Variants in FGGY observed in about 807,000 individuals in gnomAD.
The protein encoded by FGGY is FGGY carbohydrate kinase domain-containing protein.
A neutral mutation model predicts 71.3 loss-of-function variants in FGGY; 72 were observed. The observed-to-expected ratio is 1.01, with a 90% confidence interval of 0.84 to 1.23. The LOEUF (loss-of-function observed/expected upper bound fraction) is 1.23, where lower values mean the gene tolerates loss of function less well. Ranked by LOEUF, FGGY falls within the 50% of genes most tolerant of loss-of-function variation. FGGY has a pLI of 0.00. For synonymous variants in FGGY, 251 were observed against 250.3 expected (o/e 1.00, Z -0.02); for missense variants, 668 against 682.3 (o/e 0.98, Z 0.23).
chr1:59,341,932 C>T (rs539278548), intron 3 of FGGY, among the ~76,000 whole-genome samples: 5 of 152,048 alleles, frequency 3.3e-5, no homozygotes, highest in Non-Finnish European at 7.4e-5. Context: ...ATCACCGTCC[C>T]AGAAGTTAAA....
At chr1:59,674,814 T>A (rs2097420577) in intron 14 of FGGY, among the ~76,000 whole-genome samples, 1 of 151,958 alleles carries the variant, frequency 6.6e-6, no homozygotes, top group South Asian at 2.1e-4. Context: ...TGTGGAGAGG[T>A]TTTGAGTGCT....
At chr1:59,443,973 G>A (rs1474449468) in intron 5 of FGGY, among the ~76,000 whole-genome samples, 1 of 152,168 alleles carries the variant, frequency 6.6e-6, no homozygotes, top group African/African-American at 2.4e-5. Context: ...CAGAGGCAAA[G>A]GCTGAGATCA....
At chr1:59,750,906 G>T (rs1574018797) in intron 14 of FGGY, among the ~76,000 whole-genome samples, 1 of 109,202 alleles carries the variant, frequency 9.2e-6, no homozygotes, top group South Asian at 3.5e-4. Context: ...GTCAGCATCT[G>T]TAAAAAAAAA....
intron 5 of FGGY, among the ~76,000 whole-genome samples, chr1:59,402,221 G>T (rs1237744269): frequency 1.3e-5 from 2 of 152,210 alleles, no homozygotes; most frequent in Non-Finnish European, 2.9e-5. Flanking sequence ...ATGGTCGACA[G>T]TGTGGAGTGG....
chr1:59,600,622 A>G (rs1239888524), intron 8 of FGGY, among the ~76,000 whole-genome samples: 1 of 152,246 alleles, frequency 6.6e-6, no homozygotes, highest in Non-Finnish European at 1.5e-5. Context: ...AGAAAGTTGC[A>G]GAATTAAGCC....
intron 8 of FGGY, among the ~76,000 whole-genome samples, chr1:59,565,528 C>G (rs772580412): frequency 2.0e-5 from 3 of 152,218 alleles, no homozygotes; most frequent in Non-Finnish European, 4.4e-5. Flanking sequence ...TTGTGATCCA[C>G]CCGCCTAAGC....
intron 8 of FGGY, among the ~76,000 whole-genome samples, chr1:59,588,291 A>G (rs192141340): frequency 3.3e-5 from 5 of 152,238 alleles, no homozygotes; most frequent in Non-Finnish European, 5.9e-5. Flanking sequence ...ATATGGGACT[A>G]TGTGAAAAGA....
At chr1:59,399,067 C>T (rs1267529451) in intron 5 of FGGY, among the ~76,000 whole-genome samples, 2 of 152,132 alleles carry the variant, frequency 1.3e-5, no homozygotes, top group African/African-American at 4.8e-5. Context: ...TAGAGATTTA[C>T]AATTGGGCCT....
At position 59,413,341 on chromosome 1, in the gene FGGY, A is replaced by G. The variant is rs1348609361; in HGVS notation, c.554+34504A>G. Reference sequence around the variant, plus strand: ...CAACAAAGTGCTTATAGGGATTTAAATCTATTTATTGATGAGTTGGATGGA... The same window carrying G: ...CAACAAAGTGCTTATAGGGATTTAAGTCTATTTATTGATGAGTTGGATGGA... On this transcript the variant is annotated intron_variant, in intron 5 of 15. Coordinates refer to ENST00000303721, the MANE Select transcript of FGGY (RefSeq NM_018291.5). 3.3e-5 allele frequency among the ~76,000 whole-genome samples: 5 copies of G among 152,332 alleles called. No homozygotes were observed. The East Asian group carries it at 9.6e-4, about 29-fold the overall frequency.
rs565616549 is a variant in FGGY, at chr1:59,636,611, G to A, written c.1074-1617G>A. The stretch of plus-strand genomic sequence containing the variant: ...GCACTCCAGCTTGGTGACAGAGCAA[G>A]ATTCCATCTCAAAGAAAAAAATAAA... On this transcript the variant is annotated intron_variant, in intron 10 of 15. Transcript: ENST00000303721. 1.1e-3 allele frequency among the ~76,000 whole-genome samples: 166 copies of A among 152,080 alleles called. No homozygotes were observed. In the Middle Eastern group the frequency reaches 0.031, roughly 28 times the overall value.
chr1:59,666,222 A>T (rs540156634), intron 12 of FGGY, among the ~76,000 whole-genome samples: 3 of 152,176 alleles, frequency 2.0e-5, no homozygotes, highest in Admixed American at 2.0e-4. Context: ...ATTCACTCCC[A>T]GGTCTACACT....
At chr1:59,589,951 A>C (rs2096396295) in intron 8 of FGGY, among the ~76,000 whole-genome samples, 1 of 152,158 alleles carries the variant, frequency 6.6e-6, no homozygotes, top group Non-Finnish European at 1.5e-5. Context: ...GCAGAACTGA[A>C]GGAAATAGAG....
chr1:59,624,126 GT>G (rs56207015), intron 9 of FGGY, among the ~76,000 whole-genome samples: 148,862 of 150,556 alleles, frequency 0.99, 73,610 homozygotes, highest in Non-Finnish European at 1. Flanking sequence ...AACTGCATGA[GT>G]TTTTTTTTTT....
At chr1:59,296,753 C>G (rs985122778), upstream of FGGY, 1 of 147,518 alleles carries the variant, frequency 6.8e-6, no homozygotes, top group South Asian at 2.1e-4. Context: ...TTACAGGGGC[C>G]GCGCTTTACA....
chr1:59,492,312 T>C (rs867855845), intron 6 of FGGY, among the ~76,000 whole-genome samples: 40 of 152,292 alleles, frequency 2.6e-4, no homozygotes, highest in Middle Eastern at 3.4e-3. Flanking sequence ...TCCTTGGCTG[T>C]CTGTTTCATG....
At chr1:59,681,241 G>A (rs1190427214) in intron 14 of FGGY, among the ~76,000 whole-genome samples, 1 of 152,138 alleles carries the variant, frequency 6.6e-6, no homozygotes, top group Non-Finnish European at 1.5e-5. Flanking sequence ...TACTTTAATA[G>A]ATTAAAATAA....
intron 8 of FGGY, among the ~76,000 whole-genome samples, chr1:59,555,289 T>C (rs2095667676): frequency 6.6e-6 from 1 of 152,204 alleles, no homozygotes; most frequent in South Asian, 2.1e-4. Context: ...ATGCGAGGTA[T>C]TCTTGCACAT....
intron 5 of FGGY, among the ~76,000 whole-genome samples, chr1:59,432,291 A>G (rs1411123070): frequency 3.3e-5 from 5 of 152,180 alleles, no homozygotes; most frequent in Non-Finnish European, 7.4e-5. Flanking sequence ...AAATTTAAGT[A>G]GAGTGTTTCC....
At position 59,303,289 on chromosome 1, in the gene FGGY, C is replaced by T. The variant is rs530376958; in HGVS notation, c.-15+6139C>T. On this transcript the variant is annotated intron_variant, in intron 1 of 15. Coordinates refer to ENST00000303721, the MANE Select transcript of FGGY (RefSeq NM_018291.5). ...CCCCATTTCCTCAATCCCTGGTAAC[C>T]ACCATTCTCCTCTCTGCTTTAATGA... 2.0e-5 allele frequency among the ~76,000 whole-genome samples: 3 copies of T among 152,276 alleles called. No individual in the cohort carries two copies. In the South Asian group the frequency reaches 6.2e-4, roughly 32 times the overall value.
Sources: allele counts gnomAD v4.1 joint callset (sites outside exome capture counted in the v4.1 genomes callset), GRCh38; gene constraint gnomAD v4.1.1; transcripts MANE v1.5; gene names NCBI Gene and HGNC (gene_info 2026-07-23, HGNC 2026-07-21).